AGMO: variants seen among roughly 807,000 people sequenced by gnomAD.
The protein encoded by AGMO is alkylglycerol monooxygenase.
Under a neutral mutation model 60.2 loss-of-function variants are expected in AGMO, and 75 were observed. The ratio of observed to expected loss-of-function variants is 1.25; its 90% CI spans 1.03 to 1.51. The LOEUF is 1.51. AGMO is among the 40% of genes most tolerant of loss of function. The pLI is 0.00. For synonymous variants in AGMO, 261 were observed against 177.1 expected (o/e 1.47, Z -3.76); for missense variants, 763 against 525.5 (o/e 1.45, Z -4.42).
intron 12 of AGMO, among the ~76,000 whole-genome samples, chr7:15,354,462 G>A (rs1180979600): frequency 2.8e-4 from 4 of 14,176 alleles, no homozygotes; most frequent in East Asian, 1.7e-3. Flanking sequence ...GTATACACAC[G>A]TGTGTGTATA....
At chr7:15,395,200 GT>G (rs1444580505) in intron 5 of AGMO, among the ~76,000 whole-genome samples, 1 of 152,106 alleles carries the variant, frequency 6.6e-6, no homozygotes, top group Non-Finnish European at 1.5e-5. Flanking sequence ...CACTTTTAGG[GT>G]TAGCTTCCGT....
Position 15,431,645 on chromosome 7 carries a change from A to T in AGMO, c.410-537T>A, listed in dbSNP as rs189451641. Reference sequence around the variant, plus strand: ...AAAGCATAGCATAGTAATATTTTGCACTAAGTTCTCAGGTACTCTTTTATT... The same window carrying T: ...AAAGCATAGCATAGTAATATTTTGCTCTAAGTTCTCAGGTACTCTTTTATT... On this transcript the variant is annotated intron_variant, in intron 3 of 12. Coordinates refer to ENST00000342526, the MANE Select transcript of AGMO (RefSeq NM_001004320.2). 1.4e-4 allele frequency among the ~76,000 whole-genome samples: 21 copies of T among 152,074 alleles called. 1 individual carries two copies. Among genetic ancestry groups the T allele is most frequent in the Middle Eastern group, 3.4e-3 (1 of 294 alleles).
chr7:15,155,674 G>A, the AGMO span, among the ~76,000 whole-genome samples: 1 of 151,994 alleles, frequency 6.6e-6, no homozygotes, highest in African/African-American at 2.4e-5. Flanking sequence ...TTGCCGGGGA[G>A]ATAGTGCGGT....
At chr7:15,242,150 C>A (rs1016690488) in intron 12 of AGMO, among the ~76,000 whole-genome samples, 4 of 152,058 alleles carry the variant, frequency 2.6e-5, no homozygotes, top group African/African-American at 9.7e-5. Context: ...TTATCAGTAG[C>A]CTTAGTTTCA....
intron 12 of AGMO, among the ~76,000 whole-genome samples, chr7:15,225,680 G>T (rs182858613): frequency 8.2e-4 from 124 of 151,892 alleles, no homozygotes; most frequent in African/African-American, 2.8e-3. Context: ...TATTATGATT[G>T]TTACTCATGG....
chr7:15,453,428 G>C (rs1456772280), intron 3 of AGMO, among the ~76,000 whole-genome samples: 2 of 152,168 alleles, frequency 1.3e-5, no homozygotes, highest in Non-Finnish European at 2.9e-5. Context: ...CAGTGTAGTG[G>C]AGAAAGCAGA....
At chr7:15,306,754 T>C (rs1222971800) in intron 12 of AGMO, among the ~76,000 whole-genome samples, 1 of 152,034 alleles carries the variant, frequency 6.6e-6, no homozygotes, top group East Asian at 1.9e-4. Context: ...GGCTGAGGAA[T>C]ATGTCCCTAA....
At chr7:15,337,662 C>A (rs1392458610) in intron 12 of AGMO, among the ~76,000 whole-genome samples, 1 of 152,174 alleles carries the variant, frequency 6.6e-6, no homozygotes, top group African/African-American at 2.4e-5. Context: ...CCTCAACAAT[C>A]CTAATGCTTG....
At position 15,456,031 on chromosome 7, in the gene AGMO, G is replaced by C. The variant is rs191608993; in HGVS notation, c.410-24923C>G. 8.9e-4 allele frequency among the ~76,000 whole-genome samples: 136 copies of C among 152,098 alleles called. 1 individual carries two copies. Among genetic ancestry groups the C allele is most frequent in the Non-Finnish European group, 1.7e-3 (117 of 67,966 alleles). On this transcript the variant is annotated intron_variant, in intron 3 of 12. Transcript: ENST00000342526. ...ATTCTTGTTTTTTGGAGAAAAACAT[G>C]TTGGCTATGCTTCAGACCTCTTGCA...
downstream of AGMO, among the ~76,000 whole-genome samples, chr7:15,198,319 A>G (rs1781189000): frequency 6.6e-6 from 1 of 151,284 alleles, no homozygotes; most frequent in South Asian, 2.1e-4. Flanking sequence ...GGTATCACTC[A>G]AGATCAATTT....
At chr7:15,315,784 A>C (rs73062591) in intron 12 of AGMO, among the ~76,000 whole-genome samples, 13,757 of 152,180 alleles carry the variant, frequency 0.09, 863 homozygotes, top group South Asian at 0.24. Flanking sequence ...CTCTATTATA[A>C]AGAGGACCAT....
At chr7:15,233,016 T>C (rs774234111) in intron 12 of AGMO, among the ~76,000 whole-genome samples, 7 of 152,160 alleles carry the variant, frequency 4.6e-5, no homozygotes, top group Non-Finnish European at 7.3e-5. Context: ...ATTGCATAGA[T>C]GGAATTTTAT....
chr7:15,355,054 G>C (rs1269663388), intron 12 of AGMO, among the ~76,000 whole-genome samples: 2 of 152,034 alleles, frequency 1.3e-5, no homozygotes, highest in African/African-American at 4.8e-5. Flanking sequence ...CACTAACATA[G>C]TACCATGGAC....
At chr7:15,460,956 A>T (rs534260489) in intron 3 of AGMO, among the ~76,000 whole-genome samples, 5 of 152,320 alleles carry the variant, frequency 3.3e-5, no homozygotes, top group African/African-American at 1.2e-4. Context: ...ATTATGTATT[A>T]GTATGAATTA....
At chr7:15,244,313 G>C (rs1386179296) in intron 12 of AGMO, among the ~76,000 whole-genome samples, 1 of 152,072 alleles carries the variant, frequency 6.6e-6, no homozygotes, top group Non-Finnish European at 1.5e-5. Context: ...AGACTACCTT[G>C]ATTCATTGTT....
chr7:15,387,473 A>G lies in AGMO; in HGVS notation c.890T>C (p.Val297Ala), dbSNP rs756541578. 2 of 1,614,118 alleles carry G rather than the reference A, an allele frequency of 1.2e-6. No homozygotes were observed. The highest frequency in any genetic ancestry group is 1.7e-6 in the Non-Finnish European group (2 of 1,179,970). The change falls in exon 9 of 13, where the codon GTC (valine) becomes GCC (alanine). Residue 297 changes from valine (V) to alanine (A), a missense_variant. Transcript: ENST00000342526. The stretch of plus-strand genomic sequence containing the variant: ...ACCCCATCCCGGTCCCTTAAATATG[A>G]CAGAAAACTTATTGAAGAATCCAGG... ...ATPGFFNKFS[V>A]IFKGPGWGPG... is the part of the protein sequence containing the mutation.
At chr7:15,505,332 TGAGACG>T (rs1331147241) in intron 3 of AGMO, among the ~76,000 whole-genome samples, 6 of 152,002 alleles carry the variant, frequency 3.9e-5, no homozygotes, top group Non-Finnish European at 8.8e-5. Flanking sequence ...CAAGGTAGGA[TGAGACG>T]GAGACCTTGT....
chr7:15,390,766 A>C lies in AGMO; in HGVS notation c.743-16T>G, dbSNP rs1349694642. 6.2e-7 allele frequency: 1 copy of C among 1,601,680 alleles called. No individual in the cohort carries two copies. Among genetic ancestry groups the C allele is most frequent in the Non-Finnish European group, 8.5e-7 (1 of 1,169,998 alleles). On this transcript the variant is annotated splice_polypyrimidine_tract_variant and intron_variant, in intron 7 of 12. Coordinates refer to ENST00000342526, the MANE Select transcript of AGMO (RefSeq NM_001004320.2). ...TCAAATGTCCCTGGAAGATAAATAT[A>C]AAGATATGAGATTTGGCTTCCTGTA...
At chr7:15,254,468 T>G (rs1033447313) in intron 12 of AGMO, among the ~76,000 whole-genome samples, 2 of 152,188 alleles carry the variant, frequency 1.3e-5, no homozygotes, top group Admixed American at 6.5e-5. Flanking sequence ...GGTTTTGACT[T>G]GCATATCCTT....
Sources: gnomAD v4.1 joint callset for allele counts (sites outside exome capture counted in the v4.1 genomes callset) on GRCh38, gnomAD v4.1.1 for gene constraint, MANE v1.5 for transcripts, NCBI Gene and HGNC (gene_info 2026-07-23, HGNC 2026-07-21) for gene names.